CAMTA1: variants seen among roughly 807,000 people sequenced by gnomAD.
CAMTA1 encodes the protein calmodulin binding transcription activator 1.
In CAMTA1, 27 loss-of-function variants were observed where a neutral mutation model predicts 170.9. That is an observed-to-expected ratio of 0.16 (90% CI 0.12 to 0.22). The LOEUF (loss-of-function observed/expected upper bound fraction) is 0.22, where lower values mean the gene tolerates loss of function less well. Among genes scored for constraint, CAMTA1 ranks in the 10% least tolerant of loss-of-function variants. The pLI is 1.00. For missense variants in CAMTA1, 1,619 were observed against 2,217.2 expected (o/e 0.73, Z 5.42); for synonymous variants, 833 against 891.5 (o/e 0.93, Z 1.17).
At chr1:7,161,102 A>T (rs769667050) in intron 4 of CAMTA1, among the ~76,000 whole-genome samples, 1 of 152,078 alleles carries the variant, frequency 6.6e-6, no homozygotes, top group Non-Finnish European at 1.5e-5. Context: ...TGTGTATGTC[A>T]TTCCAATACT....
At position 7,747,742 on chromosome 1, in the gene CAMTA1, T is replaced by A; in HGVS notation, c.4650T>A (p.Ala1550=). ...CCTTGCGGGAACAGCAAGAAGTAGC[T>A]GCTGCTGTTATTCAGCGTTGTTACA... ...GRPLREQQEV[A]AAVIQRCYRK... The change falls in exon 19 of 23, where the codon GCT becomes GCA. Residue 1550 remains alanine, a synonymous_variant. Coordinates refer to ENST00000303635, the MANE Select transcript of CAMTA1 (RefSeq NM_015215.4). The A allele has an allele frequency of 6.2e-7, 1 of 1,613,002 alleles. No homozygotes were observed. Among genetic ancestry groups the A allele is most frequent in the Admixed American group, 1.7e-5 (1 of 59,856 alleles).
chr1:7,173,003 C>T lies in CAMTA1; in HGVS notation c.303-76488C>T, dbSNP rs1269226139. On this transcript the variant is annotated intron_variant, in intron 4 of 22. Transcript: ENST00000303635. This position sits in a 1 kb window ranked among gnomAD's most constrained non-coding sequence, Gnocchi z 5.4. ...TGGTGCCTCGGGGAGGATGGGCTGG[C>T]TGTGTCCATCCATCCCGTGCTGGAG... Among the ~76,000 whole-genome samples the T allele has an allele frequency of 6.6e-6, 1 of 152,212 alleles. No homozygotes were observed. Among genetic ancestry groups the T allele is most frequent in the Non-Finnish European group, 1.5e-5 (1 of 68,042 alleles).
At chr1:7,372,846 C>A (rs185840107) in intron 5 of CAMTA1, among the ~76,000 whole-genome samples, 1 of 152,210 alleles carries the variant, frequency 6.6e-6, no homozygotes, top group South Asian at 2.1e-4. Flanking sequence ...CATCTAGAGC[C>A]GCCCGCATAG....
intron 5 of CAMTA1, among the ~76,000 whole-genome samples, chr1:7,341,404 G>A (rs372384245): frequency 6.6e-6 from 1 of 152,238 alleles, no homozygotes; most frequent in East Asian, 1.9e-4. Context: ...GCCAGGAGGT[G>A]GGGCACAGCT....
chr1:7,141,698 A>G (rs910870409), intron 4 of CAMTA1, among the ~76,000 whole-genome samples: 2 of 152,312 alleles, frequency 1.3e-5, no homozygotes, highest in Non-Finnish European at 2.9e-5. Context: ...TGCTGGGTAA[A>G]TATTAGCTAT....
At chr1:7,032,070 A>G (rs1272103897) in intron 3 of CAMTA1, among the ~76,000 whole-genome samples, 1 of 151,772 alleles carries the variant, frequency 6.6e-6, no homozygotes. Context: ...GGTTCAAGAA[A>G]TTTTCCTCCC....
chr1:7,193,200 A>G (rs1215839946), intron 4 of CAMTA1, among the ~76,000 whole-genome samples: 3 of 151,958 alleles, frequency 2.0e-5, no homozygotes, highest in Non-Finnish European at 2.9e-5. Flanking sequence ...AAAAATAAAA[A>G]AATTAGCAGG....
intron 3 of CAMTA1, among the ~76,000 whole-genome samples, chr1:6,927,835 A>G (rs954769523): frequency 1.3e-5 from 2 of 152,232 alleles, no homozygotes; most frequent in African/African-American, 4.8e-5. Flanking sequence ...CTTGGTGCAC[A>G]GTTTGGGAAC....
intron 11 of CAMTA1, among the ~76,000 whole-genome samples, chr1:7,726,348 C>T (rs1249382877): frequency 2.0e-5 from 3 of 152,104 alleles, no homozygotes; most frequent in African/African-American, 2.4e-5. Flanking sequence ...CTATACACCC[C>T]GCAGGATACA....
chr1:7,371,871 A>G (rs1055573800), intron 5 of CAMTA1, among the ~76,000 whole-genome samples: 1 of 152,204 alleles, frequency 6.6e-6, no homozygotes, highest in Non-Finnish European at 1.5e-5. Flanking sequence ...ATGACTAGGA[A>G]GTAGAGGGTG....
chr1:7,003,804 A>G (rs918333203), intron 3 of CAMTA1, among the ~76,000 whole-genome samples: 3 of 152,230 alleles, frequency 2.0e-5, no homozygotes, highest in African/African-American at 4.8e-5. Context: ...ATAACAGGAA[A>G]TCTCCAAGTT....
rs1335763981 is a variant in CAMTA1, at chr1:7,456,467, G to A, written c.439-11363G>A. 1.3e-5 allele frequency among the ~76,000 whole-genome samples: 2 copies of A among 152,220 alleles called. No individual in the cohort carries two copies. Among genetic ancestry groups the A allele is most frequent in the Non-Finnish European group, 2.9e-5 (2 of 68,042 alleles). On this transcript the variant is annotated intron_variant, in intron 5 of 22. Coordinates refer to ENST00000303635, the MANE Select transcript of CAMTA1 (RefSeq NM_015215.4). The surrounding 1 kb of genome is among the most constrained non-coding windows in gnomAD (Gnocchi z 4.9). ...TATTTATGCCCAGTACTTTTAGGAAGTATTTGAGATAGCAACAGCACTGAT... is the reference window on the plus strand; with the variant it reads ...TATTTATGCCCAGTACTTTTAGGAAATATTTGAGATAGCAACAGCACTGAT...
intron 11 of CAMTA1, among the ~76,000 whole-genome samples, chr1:7,707,427 G>A (rs2096535234): frequency 6.6e-6 from 1 of 152,166 alleles, no homozygotes; most frequent in African/African-American, 2.4e-5. Flanking sequence ...CCAGGCTGGA[G>A]TGCAGTGGCA....
chr1:7,422,378 A>G (rs11120920), intron 5 of CAMTA1, among the ~76,000 whole-genome samples: 12,274 of 151,892 alleles, frequency 0.081, 1,316 homozygotes, highest in African/African-American at 0.25. Context: ...CAGGGAAGCC[A>G]CCCTGGAGGA....
intron 5 of CAMTA1, among the ~76,000 whole-genome samples, chr1:7,367,075 T>C (rs1574949147): frequency 6.6e-6 from 1 of 152,194 alleles, no homozygotes; most frequent in Non-Finnish European, 1.5e-5. Flanking sequence ...CTTGTCATTT[T>C]GGAGATCATC....
intron 6 of CAMTA1, among the ~76,000 whole-genome samples, chr1:7,605,951 G>A (rs1269393594): frequency 6.6e-6 from 1 of 152,220 alleles, no homozygotes; most frequent in Non-Finnish European, 1.5e-5. Context: ...GCTCTCAGGT[G>A]ACACTGTCCT....
At chr1:7,143,010 G>C (rs1350712048) in intron 4 of CAMTA1, among the ~76,000 whole-genome samples, 1 of 152,184 alleles carries the variant, frequency 6.6e-6, no homozygotes, top group African/African-American at 2.4e-5. Context: ...TCACATTGGG[G>C]AACCTGGATC....
intron 11 of CAMTA1, among the ~76,000 whole-genome samples, chr1:7,722,032 G>A (rs540756142): frequency 6.6e-6 from 1 of 152,230 alleles, no homozygotes; most frequent in Admixed American, 6.5e-5. Flanking sequence ...AAAGTGAGTT[G>A]TGTAAAATCC....
At chr1:7,187,325 T>C (rs1653565544) in intron 4 of CAMTA1, among the ~76,000 whole-genome samples, 1 of 152,112 alleles carries the variant, frequency 6.6e-6, no homozygotes, top group Non-Finnish European at 1.5e-5. Flanking sequence ...CTGGGAAGGA[T>C]TGCCAACTGC....
Sources: allele counts gnomAD v4.1 joint callset (sites outside exome capture counted in the v4.1 genomes callset), GRCh38; gene constraint gnomAD v4.1.1; non-coding constraint Gnocchi (gnomAD v3.1); transcripts MANE v1.5; gene names NCBI Gene and HGNC (gene_info 2026-07-23, HGNC 2026-07-21).